The following EYS variants were observed in gnomAD, a reference collection of about 807,000 sequenced individuals.
The protein encoded by EYS is EGF-like photoreceptor maintenance factor, also known as protein eyes shut homolog.
Under a neutral mutation model 282.1 loss-of-function variants are expected in EYS, and 250 were observed. The observed-to-expected ratio is 0.89, with a 90% confidence interval of 0.80 to 0.98. The LOEUF (loss-of-function observed/expected upper bound fraction) is 0.98. EYS is among the 50% of genes least tolerant of loss of function. The pLI, the probability that EYS is intolerant of heterozygous loss-of-function variation, is 0.00. For synonymous variants in EYS, 1,355 were observed against 1,282.9 expected (o/e 1.06, Z -1.20); for missense variants, 4,016 against 3,709.0 (o/e 1.08, Z -2.15).
chr6:64,353,884 T>C (rs1168073146), intron 29 of EYS, among the ~76,000 whole-genome samples: 1 of 151,526 alleles, frequency 6.6e-6, no homozygotes, highest in Admixed American at 6.6e-5. Flanking sequence ...CCTGATGAGG[T>C]AGGGGAAACA....
intron 22 of EYS, among the ~76,000 whole-genome samples, chr6:64,708,891 G>A (rs1771116960): frequency 6.6e-6 from 1 of 152,112 alleles, no homozygotes; most frequent in African/African-American, 2.4e-5. Flanking sequence ...TGAAACTTTA[G>A]CAATCTAACA....
chr6:65,157,600 T>A (rs72881744), intron 12 of EYS, among the ~76,000 whole-genome samples: 34,697 of 150,476 alleles, frequency 0.23, 4,175 homozygotes, highest in African/African-American at 0.26. Flanking sequence ...AAAAGTAGAA[T>A]TTTTAGATAA....
intron 33 of EYS, among the ~76,000 whole-genome samples, chr6:64,047,266 G>T (rs1291621389): frequency 2.0e-5 from 3 of 152,002 alleles, no homozygotes; most frequent in Non-Finnish European, 2.9e-5. Context: ...TTCCACTTAG[G>T]AGACCAGAGG....
intron 12 of EYS, among the ~76,000 whole-genome samples, chr6:65,230,063 T>C (rs948432137): frequency 2.6e-4 from 39 of 151,892 alleles, no homozygotes; most frequent in Admixed American, 6.6e-4. Flanking sequence ...GTCAATGAAC[T>C]ATGAAAAGTG....
chr6:63,998,204 T>A (rs1031181371), intron 34 of EYS, among the ~76,000 whole-genome samples: 4 of 152,182 alleles, frequency 2.6e-5, no homozygotes, highest in Non-Finnish European at 5.9e-5. Context: ...ATACTCAGCA[T>A]CCTTCAGCTG....
chr6:65,495,485 T>C lies in EYS; in HGVS notation c.-75A>G. 6.6e-7 allele frequency: 1 copy of C among 1,520,322 alleles called. No homozygotes were observed. The highest frequency in any genetic ancestry group is 1.1e-5 in the South Asian group (1 of 87,636). The allele number at this position is 1,520,322 out of a possible 1,614,324, so 94.2% of individuals were successfully genotyped here. A position where few individuals can be genotyped will look rare whatever the true frequency, so the allele number is the denominator to read the frequency against. ...GGTGTTTTAAGTATTACCGGAAATT[T>C]CCAAGTAAAGTTGTGGTTAAGGATT... On this transcript the variant is annotated 5_prime_UTR_variant, in exon 4 of 43. Transcript: ENST00000503581.
At chr6:64,956,834 G>C (rs1583329910) in intron 14 of EYS, among the ~76,000 whole-genome samples, 2 of 152,112 alleles carry the variant, frequency 1.3e-5, no homozygotes, top group African/African-American at 4.8e-5. Context: ...CATATGAAAA[G>C]GTGCTTAACA....
chr6:65,499,866 T>G (rs941393176), intron 2 of EYS, among the ~76,000 whole-genome samples: 2 of 151,964 alleles, frequency 1.3e-5, no homozygotes, highest in Admixed American at 1.3e-4. Context: ...TTATCGATTA[T>G]GCTCCTACTA....
chr6:63,806,478 T>C (rs1351833378), intron 36 of EYS, 106 bp from the exon 37 acceptor site: 6 of 945,180 alleles, frequency 6.3e-6, no homozygotes, highest in Non-Finnish European at 9.2e-6. Flanking sequence ...TGTTTACTAT[T>C]ACATTAATTA....
At chr6:63,887,102 G>A (rs1487187056) in intron 35 of EYS, among the ~76,000 whole-genome samples, 2 of 152,052 alleles carry the variant, frequency 1.3e-5, no homozygotes, top group African/African-American at 2.4e-5. Flanking sequence ...GACAGAACAA[G>A]GGCCTACTAG....
intron 30 of EYS, among the ~76,000 whole-genome samples, chr6:64,240,963 G>C (rs544682295): frequency 4.3e-4 from 66 of 152,210 alleles, no homozygotes; most frequent in African/African-American, 1.4e-3. Context: ...TAGCCTGAAG[G>C]CCTGCTGAAT....
chr6:64,407,856 C>T (rs1049184352), intron 28 of EYS, among the ~76,000 whole-genome samples: 14 of 152,084 alleles, frequency 9.2e-5, no homozygotes, highest in East Asian at 1.9e-4. Context: ...CTCAGCCTCC[C>T]GAGGAGCTGA....
chr6:63,813,963 A>G (rs117167792), intron 36 of EYS, among the ~76,000 whole-genome samples: 3 of 152,314 alleles, frequency 2.0e-5, no homozygotes, highest in East Asian at 1.9e-4. Flanking sequence ...AAAATACAAG[A>G]TGATTGCTTG....
At chr6:64,374,144 G>A (rs953496937) in intron 29 of EYS, among the ~76,000 whole-genome samples, 24 of 143,920 alleles carry the variant, frequency 1.7e-4, no homozygotes, top group African/African-American at 5.9e-4. Context: ...CCACTGGGCT[G>A]AAAGCTGGTG....
intron 2 of EYS, among the ~76,000 whole-genome samples, chr6:65,520,399 G>T (rs1462517382): frequency 6.6e-6 from 1 of 152,076 alleles, no homozygotes; most frequent in African/African-American, 2.4e-5. Flanking sequence ...ATGTTGAACT[G>T]GCTAATTTTC....
intron 12 of EYS, among the ~76,000 whole-genome samples, chr6:65,285,217 G>A (rs1050335665): frequency 6.6e-6 from 1 of 151,976 alleles, no homozygotes; most frequent in East Asian, 1.9e-4. Flanking sequence ...ACATTTTGTG[G>A]CCTAATTATG....
intron 24 of EYS, among the ~76,000 whole-genome samples, chr6:64,609,712 AT>A (rs1216129032): frequency 1.3e-5 from 2 of 152,042 alleles, no homozygotes; most frequent in African/African-American, 2.4e-5. Flanking sequence ...GTGAGACCTC[AT>A]CTCTACAAAA....
At chr6:65,024,153 C>T (rs1347333978) in intron 13 of EYS, among the ~76,000 whole-genome samples, 6 of 152,082 alleles carry the variant, frequency 3.9e-5, no homozygotes, top group Non-Finnish European at 8.8e-5. Flanking sequence ...AAACTTCTAT[C>T]ATTGTGAATA....
chr6:64,142,766 C>T (rs1774378670), intron 31 of EYS, among the ~76,000 whole-genome samples: 1 of 151,956 alleles, frequency 6.6e-6, no homozygotes. Context: ...ATGATGAGAG[C>T]CTAAATTAGT....
Sources: allele counts gnomAD v4.1 joint callset (sites outside exome capture counted in the v4.1 genomes callset), GRCh38; gene constraint gnomAD v4.1.1; transcripts MANE v1.5; gene names NCBI Gene and HGNC (gene_info 2026-07-23, HGNC 2026-07-21).